CSGALNACT1: variants seen among roughly 807,000 people sequenced by gnomAD.
The protein encoded by CSGALNACT1 is chondroitin sulfate N-acetylgalactosaminyltransferase 1.
Under a neutral mutation model 51.0 loss-of-function variants are expected in CSGALNACT1, and 52 were observed. The observed-to-expected ratio is 1.02, with a 90% CI of 0.82 to 1.29. CSGALNACT1 has a LOEUF of 1.29. Among genes scored for constraint, CSGALNACT1 ranks in the 50% most tolerant of loss-of-function variants. CSGALNACT1 has a pLI of 0.00. For missense variants in CSGALNACT1, 935 were observed against 679.2 expected (o/e 1.38, Z -4.19); for synonymous variants, 341 against 254.4 (o/e 1.34, Z -3.24).
At chr8:19,625,153 G>A (rs547386488) in intron 1 of CSGALNACT1, among the ~76,000 whole-genome samples, 1 of 152,324 alleles carries the variant, frequency 6.6e-6, no homozygotes, top group South Asian at 2.1e-4. Flanking sequence ...TAGATGGAGA[G>A]GGACTGTAAA....
chr8:19,713,037 T>G (rs980211063), intron 1 of CSGALNACT1, among the ~76,000 whole-genome samples: 1 of 152,220 alleles, frequency 6.6e-6, no homozygotes, highest in African/African-American at 2.4e-5. Context: ...CCTCCCATCT[T>G]TCCAGTGCTT....
chr8:19,416,505 C>T (rs1430751379), intron 8 of CSGALNACT1, among the ~76,000 whole-genome samples: 2 of 152,222 alleles, frequency 1.3e-5, no homozygotes, highest in Non-Finnish European at 1.5e-5. Flanking sequence ...CAGGCCTTCA[C>T]ATTCACTCAC....
intron 3 of CSGALNACT1, among the ~76,000 whole-genome samples, chr8:19,541,616 T>C (rs1588073330): frequency 7.3e-6 from 1 of 136,280 alleles, no homozygotes; most frequent in Non-Finnish European, 1.5e-5. Context: ...GCCAGGCAGG[T>C]CTCCAGCTCC....
intron 1 of CSGALNACT1, among the ~76,000 whole-genome samples, chr8:19,677,012 A>T (rs2060243318): frequency 6.6e-6 from 1 of 152,232 alleles, no homozygotes; most frequent in South Asian, 2.1e-4. Context: ...CAAACTAAAG[A>T]GGATCAAGAA....
At chr8:19,620,701 T>C (rs2053708395) in intron 1 of CSGALNACT1, among the ~76,000 whole-genome samples, 1 of 152,236 alleles carries the variant, frequency 6.6e-6, no homozygotes. Flanking sequence ...CCCAAAGCAC[T>C]GGGATTACAG....
At chr8:19,651,439 C>T (rs974047575) in intron 1 of CSGALNACT1, among the ~76,000 whole-genome samples, 12 of 152,252 alleles carry the variant, frequency 7.9e-5, no homozygotes, top group African/African-American at 2.9e-4. Flanking sequence ...AGTTAGGCCC[C>T]AGTGTCTATT....
chr8:19,618,675 AAG>A (rs1250159413), intron 1 of CSGALNACT1, among the ~76,000 whole-genome samples: 5 of 148,662 alleles, frequency 3.4e-5, no homozygotes, highest in East Asian at 3.9e-4. Context: ...GAAAGAAAGA[AAG>A]AGAAAAAAAA....
chr8:19,479,216 C>T (rs1319974304), intron 4 of CSGALNACT1, among the ~76,000 whole-genome samples: 1 of 152,206 alleles, frequency 6.6e-6, no homozygotes, highest in Non-Finnish European at 1.5e-5. Flanking sequence ...CGTCTCTTCC[C>T]TTATATGAAG....
At chr8:19,707,125 A>T (rs1316579331) in intron 1 of CSGALNACT1, among the ~76,000 whole-genome samples, 1 of 152,128 alleles carries the variant, frequency 6.6e-6, no homozygotes, top group Non-Finnish European at 1.5e-5. Flanking sequence ...CAAGTCAGGT[A>T]ACTCCAGAAG....
intron 4 of CSGALNACT1, among the ~76,000 whole-genome samples, chr8:19,462,491 G>C (rs1243070632): frequency 6.6e-6 from 1 of 152,130 alleles, no homozygotes; most frequent in African/African-American, 2.4e-5. Flanking sequence ...GAAGAACCTA[G>C]AGAATGCAGT....
At chr8:19,604,626 G>A (rs11989977), upstream of CSGALNACT1, among the ~76,000 whole-genome samples, 1,407 of 151,374 alleles carry the variant, frequency 9.3e-3, 16 homozygotes, top group African/African-American at 0.032. Context: ...AGTATGGGGC[G>A]GCCAGGTACG....
At chr8:19,534,975 G>A (rs2083461478) in intron 3 of CSGALNACT1, among the ~76,000 whole-genome samples, 2 of 152,116 alleles carry the variant, frequency 1.3e-5, no homozygotes, top group African/African-American at 4.8e-5. Flanking sequence ...AATATATGTG[G>A]TGGCTGACAC....
intron 4 of CSGALNACT1, among the ~76,000 whole-genome samples, chr8:19,462,019 A>G (rs1044898834): frequency 9.9e-5 from 15 of 152,186 alleles, no homozygotes; most frequent in Non-Finnish European, 1.3e-4. Context: ...GCCTATCCAC[A>G]CAGCAGCCAC....
intron 5 of CSGALNACT1, among the ~76,000 whole-genome samples, chr8:19,445,320 T>C (rs1173821086): frequency 6.6e-6 from 1 of 152,116 alleles, no homozygotes; most frequent in African/African-American, 2.4e-5. Flanking sequence ...GTGGGAAAAA[T>C]CCATCCTAGA....
chr8:19,458,391 T>C (rs1309055320), intron 5 of CSGALNACT1, 35 bp downstream of exon 4: 4 of 1,505,142 alleles, frequency 2.7e-6, no homozygotes, highest in African/African-American at 1.4e-5. Context: ...ACACACATCA[T>C]GCGGAGGAAG....
At chr8:19,633,976 T>G (rs2055660735) in intron 1 of CSGALNACT1, among the ~76,000 whole-genome samples, 1 of 152,130 alleles carries the variant, frequency 6.6e-6, no homozygotes, top group Admixed American at 6.6e-5. Context: ...CCTTCCTACT[T>G]TCACTTAACA....
intron 5 of CSGALNACT1, among the ~76,000 whole-genome samples, chr8:19,455,789 G>A (rs2063962974): frequency 6.6e-6 from 1 of 152,174 alleles, no homozygotes; most frequent in African/African-American, 2.4e-5. Context: ...TCCCCTGTCT[G>A]TATCTCTGCC....
chr8:19,514,773 C>T (rs2079198102), intron 3 of CSGALNACT1, among the ~76,000 whole-genome samples: 1 of 151,380 alleles, frequency 6.6e-6, no homozygotes, highest in Non-Finnish European at 1.5e-5. Context: ...GTGGAGGTTG[C>T]AGTGAGCTGA....
At chr8:19,667,951 A>C (rs768431466) in intron 1 of CSGALNACT1, among the ~76,000 whole-genome samples, 13 of 152,222 alleles carry the variant, frequency 8.5e-5, no homozygotes, top group Non-Finnish European at 1.8e-4. Context: ...CGCAGATCAC[A>C]ACTGTGAAAA....
Sources: allele counts gnomAD v4.1 joint callset (sites outside exome capture counted in the v4.1 genomes callset), GRCh38; gene constraint gnomAD v4.1.1; transcripts MANE v1.5; gene names NCBI Gene and HGNC (gene_info 2026-07-23, HGNC 2026-07-21).